The following RASA3 variants were observed in gnomAD, a reference collection of about 807,000 sequenced individuals.
RASA3 encodes RAS p21 protein activator 3.
Under a neutral mutation model 110.0 loss-of-function variants are expected in RASA3, and 73 were observed. The ratio of observed to expected loss-of-function variants is 0.66; its 90% confidence interval spans 0.55 to 0.81. The LOEUF (loss-of-function observed/expected upper bound fraction) is 0.81. RASA3 is among the 30% of genes least tolerant of loss of function. The pLI is 0.00. For synonymous variants in RASA3, 500 were observed against 451.4 expected (o/e 1.11, Z -1.37); for missense variants, 976 against 1,113.2 (o/e 0.88, Z 1.75).
chr13:114,028,162 G>A lies in RASA3; in HGVS notation c.450-235C>T, dbSNP rs78133693. Among the ~76,000 whole-genome samples the A allele has an allele frequency of 3.2e-3, 458 of 145,318 alleles. 2 individuals are homozygous for A. Among genetic ancestry groups the A allele is most frequent in the African/African-American group, 0.011 (426 of 38,450 alleles). Reference sequence around the variant, plus strand: ...GGTGAGCATGTGCTTTAGCGTGGACGCCAGCAGTGTGTGACAGCACATCTA... The same window carrying A: ...GGTGAGCATGTGCTTTAGCGTGGACACCAGCAGTGTGTGACAGCACATCTA... On this transcript the variant is annotated intron_variant, in intron 5 of 23. Coordinates refer to ENST00000334062, the MANE Select transcript of RASA3 (RefSeq NM_007368.4).
At chr13:114,128,542 C>T (rs978641458) in intron 1 of RASA3, among the ~76,000 whole-genome samples, 1 of 152,220 alleles carries the variant, frequency 6.6e-6, no homozygotes, top group African/African-American at 2.4e-5. Context: ...TATTCTCACC[C>T]GGTGCCACCT....
chr13:113,991,337 G>A (rs2053107903), intron 22 of RASA3, among the ~76,000 whole-genome samples: 1 of 152,218 alleles, frequency 6.6e-6, no homozygotes, highest in African/African-American at 2.4e-5. Flanking sequence ...TGTGTTTCCA[G>A]GCCAAGGCAC....
chr13:114,111,643 A>C (rs1335437368), intron 1 of RASA3, among the ~76,000 whole-genome samples: 1 of 152,262 alleles, frequency 6.6e-6, no homozygotes, highest in African/African-American at 2.4e-5. Flanking sequence ...GCCTCTAAGG[A>C]GGGAAACGTC....
At chr13:114,027,598 A>G in intron 6 of RASA3, 137 bp from the exon 7 acceptor site, 1 of 778,366 alleles carries the variant, frequency 1.3e-6, no homozygotes, top group Non-Finnish European at 2.1e-6. Context: ...CTGGTCTCCA[A>G]CTCCAGATGG....
At chr13:114,027,713 A>AAACAAT in intron 6 of RASA3, 134 bp downstream of exon 6, 1 of 978,718 alleles carries the variant, frequency 1.0e-6, no homozygotes, top group Non-Finnish European at 1.6e-6. Flanking sequence ...AAACAAAAGG[A>AAACAAT]AGTAAAAATT....
rs1566479133 is a variant in RASA3 at position 114,013,914 on chromosome 13, CTCTCTCTCCG to C, written c.1406-676_1406-667del. Among the ~76,000 whole-genome samples the C allele has an allele frequency of 1.1e-3, 110 of 96,748 alleles. 4 individuals carry two copies. Among genetic ancestry groups the C allele is most frequent in the Middle Eastern group, 6.4e-3 (1 of 156 alleles). The allele number at this position is 96,748 out of a possible 152,430, so 63.5% of individuals were successfully genotyped here. On this transcript the variant is annotated intron_variant, in intron 14 of 23. Transcript: ENST00000334062. ...TCTCTTTTTCTCTCTTTCTCTGTCT[CTCTCTCTCCG>C]TCTCTCTCTCCCTGTCTCTATCTCT...
chr13:114,011,317 G>C lies in RASA3; in HGVS notation c.1513-69C>G. On this transcript the variant is annotated intron_variant, in intron 15 of 23. Transcript: ENST00000334062. The surrounding 1 kb of genome is among the most constrained non-coding windows in gnomAD (Gnocchi z 4.8). Reference sequence around the variant, plus strand: ...AATGCTGTGACTGTCCCAGATCGAGGGGACGAAATGCAGGAGTCACCTCAG... The same window carrying C: ...AATGCTGTGACTGTCCCAGATCGAGCGGACGAAATGCAGGAGTCACCTCAG... The C allele has an allele frequency of 7.3e-7, 1 of 1,367,708 alleles. No individual in the cohort carries two copies. The highest frequency in any genetic ancestry group is 2.3e-5 in the East Asian group (1 of 43,042). 84.7% of individuals were successfully genotyped at this position (1,367,708 alleles called of 1,614,324 possible).
rs111920069 is a variant in RASA3 at position 113,998,077 on chromosome 13, T to C, written c.1933-1338A>G. Among the ~76,000 whole-genome samples the C allele has an allele frequency of 1.9e-3, 296 of 152,166 alleles. 1 individual carries two copies. Among genetic ancestry groups the C allele is most frequent in the African/African-American group, 6.7e-3 (277 of 41,518 alleles). ...GGGAATCGGGCTCTGAGGAAGTCAG[T>C]GGGAATGAACAGCTGGGAACAGGCG... On this transcript the variant is annotated intron_variant, in intron 20 of 23. Coordinates refer to ENST00000334062, the MANE Select transcript of RASA3 (RefSeq NM_007368.4).
intron 1 of RASA3, among the ~76,000 whole-genome samples, chr13:114,125,501 G>A (rs2080433831): frequency 6.6e-6 from 1 of 152,192 alleles, no homozygotes; most frequent in South Asian, 2.1e-4. Context: ...CGTGAGAACA[G>A]CACCAAGGGG....
chr13:114,055,501 A>G (rs1295134399), intron 2 of RASA3, among the ~76,000 whole-genome samples: 1 of 152,246 alleles, frequency 6.6e-6, no homozygotes, highest in Non-Finnish European at 1.5e-5. Context: ...CGAAGCCAAA[A>G]GGGACACCAG....
Position 114,096,098 on chromosome 13 carries a change from G to A in RASA3, c.56-22261C>T, listed in dbSNP as rs991803699. On this transcript the variant is annotated intron_variant, in intron 1 of 23. Coordinates refer to ENST00000334062, the MANE Select transcript of RASA3 (RefSeq NM_007368.4). This position sits in a 1 kb window ranked among gnomAD's most constrained non-coding sequence, Gnocchi z 5.1. ...GGGGTGCTCTCCAGGTGGCCCTGGC[G>A]GCATCGGTGTGCTGGGAAGGGGGTG... Among the ~76,000 whole-genome samples, 18 of 152,126 alleles carry A rather than the reference G, an allele frequency of 1.2e-4. No homozygotes were observed. The highest frequency in any genetic ancestry group is 2.1e-4 in the South Asian group (1 of 4,828).
chr13:114,117,348 G>A (rs2080299324), intron 1 of RASA3, among the ~76,000 whole-genome samples: 1 of 138,030 alleles, frequency 7.2e-6, no homozygotes, highest in Non-Finnish European at 1.6e-5. Flanking sequence ...TGTGAGGAGA[G>A]CACGTGTGTG....
rs781103527 is a variant in RASA3 at position 113,979,323 on chromosome 13, G to A, written c.*24C>T. 9.0e-6 allele frequency: 14 copies of A among 1,553,170 alleles called. No homozygotes were observed. Among genetic ancestry groups the A allele is most frequent in the Admixed American group, 3.3e-5 (2 of 59,896 alleles). ...GGCTTTGCATGGGCAGCTTGCTGGCGCCACTGGGCGCGTCCCGCAGACTTT... is the reference window on the plus strand; with the variant it reads ...GGCTTTGCATGGGCAGCTTGCTGGCACCACTGGGCGCGTCCCGCAGACTTT... On this transcript the variant is annotated 3_prime_UTR_variant, in exon 24 of 24. Coordinates refer to ENST00000334062, the MANE Select transcript of RASA3 (RefSeq NM_007368.4).
chr13:113,997,996 C>T (rs940988150), intron 20 of RASA3, among the ~76,000 whole-genome samples: 1 of 152,254 alleles, frequency 6.6e-6, no homozygotes, highest in African/African-American at 2.4e-5. Context: ...CCACCAGGAG[C>T]AGCCTTCAGA....
At chr13:114,045,725 G>T (rs1259613698) in intron 3 of RASA3, among the ~76,000 whole-genome samples, 1 of 152,216 alleles carries the variant, frequency 6.6e-6, no homozygotes, top group Non-Finnish European at 1.5e-5. Flanking sequence ...GACTGCGTTT[G>T]TACATACAAG....
Position 114,114,006 on chromosome 13 carries a change from G to A in RASA3, c.55+18429C>T, listed in dbSNP as rs868329731. ...GTGATGTCCGTACAGCTCACACCGC[G>A]TCCATCAGTCCACCCACCATGGCGA... On this transcript the variant is annotated intron_variant, in intron 1 of 23. Coordinates refer to ENST00000334062, the MANE Select transcript of RASA3 (RefSeq NM_007368.4). The surrounding 1 kb of genome is among the most constrained non-coding windows in gnomAD (Gnocchi z 4.8). 5.6e-5 allele frequency among the ~76,000 whole-genome samples: 8 copies of A among 143,374 alleles called. 1 individual carries two copies. Among genetic ancestry groups the A allele is most frequent in the African/African-American group, 1.3e-4 (5 of 37,820 alleles). 94.1% of individuals were successfully genotyped at this position (143,374 alleles called of 152,430 possible).
chr13:114,039,680 A>AC (rs2054356021), intron 4 of RASA3, among the ~76,000 whole-genome samples: 1 of 132,316 alleles, frequency 7.6e-6, no homozygotes, highest in Non-Finnish European at 1.5e-5. Flanking sequence ...CGGTGGACTG[A>AC]CCCCCACTGC....
At chr13:114,076,454 C>CT (rs145514978) in intron 1 of RASA3, among the ~76,000 whole-genome samples, 5,656 of 152,164 alleles carry the variant, frequency 0.037, 142 homozygotes, top group Middle Eastern at 0.11. Flanking sequence ...AGAAGACAGG[C>CT]TTTCCGAAGG....
Position 113,995,605 on chromosome 13 carries a change from G to A in RASA3, c.2141+926C>T, listed in dbSNP as rs559772563. 6.3e-4 allele frequency among the ~76,000 whole-genome samples: 96 copies of A among 151,386 alleles called. 1 individual carries two copies. The highest frequency in any genetic ancestry group is 2.2e-3 in the African/African-American group (92 of 41,252). On this transcript the variant is annotated intron_variant, in intron 21 of 23. Transcript: ENST00000334062. ...GCAACTGCCAGAGGCCCGGCTGATGGGGGGCCCTGCTGATGGGGGGCCTGA... is the reference window on the plus strand; with the variant it reads ...GCAACTGCCAGAGGCCCGGCTGATGAGGGGCCCTGCTGATGGGGGGCCTGA...
Sources: allele counts gnomAD v4.1 joint callset (sites outside exome capture counted in the v4.1 genomes callset), GRCh38; gene constraint gnomAD v4.1.1; non-coding constraint Gnocchi (gnomAD v3.1); transcripts MANE v1.5; gene names NCBI Gene and HGNC (gene_info 2026-07-23, HGNC 2026-07-21).